TENM3: variants seen among roughly 807,000 people sequenced by gnomAD.
The protein encoded by TENM3 is teneurin-3.
TENM3 carries 63 observed loss-of-function variants against 255.1 expected under a neutral mutation model. The observed-to-expected ratio is 0.25, with a 90% CI of 0.20 to 0.30. The LOEUF is 0.30. Among genes scored for constraint, TENM3 ranks in the 10% least tolerant of loss-of-function variants. The probability of loss-of-function intolerance (pLI) is 1.00; values close to 1 mark genes in which losing one functional copy is unlikely to be tolerated. For missense variants in TENM3, 2,929 were observed against 3,461.1 expected (o/e 0.85, Z 3.86); for synonymous variants, 1,306 against 1,322.3 (o/e 0.99, Z 0.27).
the TENM3 span, among the ~76,000 whole-genome samples, chr4:181,607,514 A>T: frequency 6.6e-6 from 1 of 151,578 alleles, no homozygotes; most frequent in Non-Finnish European, 1.5e-5. Context: ...TCCTGGCTTC[A>T]AACGGTTCTC....
intron 22 of TENM3, among the ~76,000 whole-genome samples, chr4:182,772,761 T>TA (rs144645483): frequency 0.07 from 10,416 of 148,062 alleles, 921 homozygotes; most frequent in African/African-American, 0.21. Flanking sequence ...AGTAAGTGTG[T>TA]AAAAAAAAAA....
At chr4:181,509,176 G>A in the TENM3 span, among the ~76,000 whole-genome samples, 23 of 151,844 alleles carry the variant, frequency 1.5e-4, no homozygotes, top group Admixed American at 3.9e-4. Context: ...CAATTTTCAC[G>A]ACCTATAAAA....
chr4:181,951,152 TC>T, the TENM3 span, among the ~76,000 whole-genome samples: 1 of 152,232 alleles, frequency 6.6e-6, no homozygotes, highest in Non-Finnish European at 1.5e-5. Context: ...TTTATTAATT[TC>T]CCACATTGGA....
chr4:181,811,909 T>G, the TENM3 span, among the ~76,000 whole-genome samples: 1 of 152,234 alleles, frequency 6.6e-6, no homozygotes, highest in Non-Finnish European at 1.5e-5. Context: ...ACTTAGACTG[T>G]GAATTACTTG....
the TENM3 span, among the ~76,000 whole-genome samples, chr4:181,452,637 A>G: frequency 1.3e-5 from 2 of 152,230 alleles, no homozygotes; most frequent in Non-Finnish European, 2.9e-5. Flanking sequence ...TCTTTCCTCT[A>G]TAAATTACCC....
chr4:182,244,259 G>A (rs981310960), intron 1 of TENM3, among the ~76,000 whole-genome samples: 1 of 152,028 alleles, frequency 6.6e-6, no homozygotes, highest in African/African-American at 2.4e-5. Context: ...GGCCTCATTT[G>A]TGTTTTCTAT....
intron 3 of TENM3, among the ~76,000 whole-genome samples, chr4:182,404,058 G>A (rs1769387615): frequency 6.6e-6 from 1 of 151,996 alleles, no homozygotes; most frequent in African/African-American, 2.4e-5. Context: ...TAAGAACTTG[G>A]GCTTATTATC....
At chr4:182,106,019 C>G in the TENM3 span, among the ~76,000 whole-genome samples, 2 of 152,324 alleles carry the variant, frequency 1.3e-5, no homozygotes, top group Middle Eastern at 6.8e-3. Flanking sequence ...TGTTGGGCTT[C>G]GGGATGGCTA....
At chr4:182,061,102 G>A in the TENM3 span, among the ~76,000 whole-genome samples, 4 of 152,170 alleles carry the variant, frequency 2.6e-5, no homozygotes, top group Non-Finnish European at 4.4e-5. Context: ...GGGTTGTTCT[G>A]AGTTGCTGGT....
chr4:182,413,364 C>T (rs924973065), intron 3 of TENM3, among the ~76,000 whole-genome samples: 5 of 152,144 alleles, frequency 3.3e-5, no homozygotes, highest in Non-Finnish European at 5.9e-5. Flanking sequence ...TATCTGTAAT[C>T]CCAGCACTTT....
intron 1 of TENM3, among the ~76,000 whole-genome samples, chr4:182,308,324 T>C (rs193207964): frequency 1.8e-4 from 27 of 152,042 alleles, no homozygotes; most frequent in African/African-American, 4.3e-4. Flanking sequence ...ATATTTGGTT[T>C]TTTTTTTTAT....
rs1029078357 is a variant in TENM3, at chr4:182,161,830, T to C, written c.-76+17076T>C. Among the ~76,000 whole-genome samples, 74 of 13,404 alleles carry C rather than the reference T, an allele frequency of 5.5e-3. 10 individuals carry two copies. The highest frequency in any genetic ancestry group is 0.035 in the East Asian group (7 of 198). 8.8% of individuals were successfully genotyped at this position (13,404 alleles called of 152,430 possible). A position where few individuals can be genotyped will look rare whatever the true frequency, so the allele number is the denominator to read the frequency against. On this transcript the variant is annotated intron_variant, in intron 1 of 2. Transcript: ENST00000512480. ...ACATATATATGTATATATATACACA[T>C]ATATATGTGTATATATACACAAATA...
intron 1 of TENM3, among the ~76,000 whole-genome samples, chr4:182,267,646 C>A (rs202051057): frequency 6.6e-6 from 1 of 151,106 alleles, no homozygotes. Context: ...AAACCCATGA[C>A]TGGGCTCAGC....
At chr4:182,039,187 C>A in the TENM3 span, among the ~76,000 whole-genome samples, 1 of 152,168 alleles carries the variant, frequency 6.6e-6, no homozygotes. Context: ...CATGGTGGCT[C>A]AAACGCCTCA....
chr4:182,281,864 T>C (rs1760406595), intron 1 of TENM3, among the ~76,000 whole-genome samples: 1 of 152,122 alleles, frequency 6.6e-6, no homozygotes, highest in African/African-American at 2.4e-5. Flanking sequence ...GCCTCCAGAG[T>C]AGCTGGTATT....
chr4:181,754,740 T>G, the TENM3 span, among the ~76,000 whole-genome samples: 1 of 152,188 alleles, frequency 6.6e-6, no homozygotes, highest in African/African-American at 2.4e-5. Context: ...CAAACGCAAC[T>G]ACAGTCATGA....
chr4:181,919,674 C>T, the TENM3 span, among the ~76,000 whole-genome samples: 19 of 151,820 alleles, frequency 1.3e-4, no homozygotes, highest in East Asian at 5.8e-4. Context: ...CACAATCGAT[C>T]GGCATGAGGG....
At chr4:181,614,674 A>C in the TENM3 span, among the ~76,000 whole-genome samples, 3 of 152,200 alleles carry the variant, frequency 2.0e-5, no homozygotes, top group African/African-American at 7.2e-5. Context: ...TTTGTAGCTG[A>C]GAGATGTCAT....
At chr4:181,575,150 T>A in the TENM3 span, among the ~76,000 whole-genome samples, 1 of 152,160 alleles carries the variant, frequency 6.6e-6, no homozygotes. Context: ...GAGTTTAAGT[T>A]TTTTGTTATC....
Sources: gnomAD v4.1 joint callset for allele counts (sites outside exome capture counted in the v4.1 genomes callset) on GRCh38, gnomAD v4.1.1 for gene constraint, MANE v1.5 for transcripts, NCBI Gene and HGNC (gene_info 2026-07-23, HGNC 2026-07-21) for gene names.